Variants in FCRL4 observed in about 807,000 individuals in gnomAD.
FCRL4 encodes Fc receptor-like protein 4.
In FCRL4, 43 loss-of-function variants were observed where a neutral mutation model predicts 64.1. The ratio of observed to expected loss-of-function variants is 0.67; its 90% CI spans 0.53 to 0.87. The LOEUF is 0.87. FCRL4 is among the 40% of genes least tolerant of loss of function. The pLI, the probability that FCRL4 is intolerant of heterozygous loss-of-function variation, is 0.00. For missense variants in FCRL4, 656 were observed against 613.5 expected (o/e 1.07, Z -0.73); for synonymous variants, 253 against 239.8 (o/e 1.05, Z -0.51).
intron 7 of FCRL4, 48 bp downstream of exon 7, chr1:157,581,483 C>A (rs1298766087): frequency 3.3e-6 from 5 of 1,527,464 alleles, no homozygotes; most frequent in South Asian, 1.1e-5. Context: ...ATGCTGAGTT[C>A]AGGGGAAGGA....
intron 10 of FCRL4, among the ~76,000 whole-genome samples, chr1:157,577,499 A>T (rs1411304886): frequency 6.6e-6 from 1 of 152,206 alleles, no homozygotes; most frequent in African/African-American, 2.4e-5. Flanking sequence ...AAACAATGAG[A>T]AAAAAGGACA....
chr1:157,589,511 G>A, intron 2 of FCRL4, 53 bp from the exon 3 acceptor site: 1 of 1,592,418 alleles, frequency 6.3e-7, no homozygotes, highest in East Asian at 2.2e-5. Flanking sequence ...AGTCCCAGCT[G>A]CAGTGGCTTG....
chr1:157,597,672 T>C (rs1467626491), intron 1 of FCRL4, among the ~76,000 whole-genome samples: 2 of 152,206 alleles, frequency 1.3e-5, no homozygotes, highest in African/African-American at 2.4e-5. Flanking sequence ...ATAAGTCCAT[T>C]TGGGGGTAAA....
intron 2 of FCRL4, among the ~76,000 whole-genome samples, chr1:157,589,987 G>A (rs1213656512): frequency 6.6e-6 from 1 of 152,178 alleles, no homozygotes; most frequent in Non-Finnish European, 1.5e-5. Flanking sequence ...AGTAAAAAAG[G>A]AAGTTTTCCC....
At position 157,574,410 on chromosome 1, in the gene FCRL4, G is replaced by A; in HGVS notation, c.*1114C>T. On this transcript the variant is annotated 3_prime_UTR_variant, in exon 12 of 12. Transcript: ENST00000271532. Reference sequence around the variant, plus strand: ...CACTTGGGGCATGGATAATTTGTAGGTGGTATTGTACACTTCCATCAGGAG... The same window carrying A: ...CACTTGGGGCATGGATAATTTGTAGATGGTATTGTACACTTCCATCAGGAG... 3 of 213,152 alleles carry A rather than the reference G, an allele frequency of 1.4e-5. No homozygotes were observed. The East Asian group carries it at 2.1e-4, about 15-fold the overall frequency. The allele number at this position is 213,152 out of a possible 1,614,324, so 13.2% of individuals were successfully genotyped here.
intron 2 of FCRL4, among the ~76,000 whole-genome samples, chr1:157,590,719 T>C (rs1426684421): frequency 2.6e-5 from 4 of 152,002 alleles, no homozygotes; most frequent in African/African-American, 9.7e-5. Flanking sequence ...GGGTTTCATC[T>C]TCTTAGCCAG....
chr1:157,597,239 A>G (rs1326040946), intron 1 of FCRL4, among the ~76,000 whole-genome samples: 1 of 152,196 alleles, frequency 6.6e-6, no homozygotes, highest in Non-Finnish European at 1.5e-5. Flanking sequence ...TCATGTGCCA[A>G]TCACACTAAT....
intron 2 of FCRL4, among the ~76,000 whole-genome samples, chr1:157,589,923 A>G (rs563941132): frequency 5.3e-5 from 8 of 152,314 alleles, no homozygotes; most frequent in Non-Finnish European, 1.2e-4. Flanking sequence ...AAGGCTATTG[A>G]GAATCACCAG....
chr1:157,589,480 G>A (rs1652786688), intron 2 of FCRL4, 22 bp from the exon 3 acceptor site: 2 of 1,609,776 alleles, frequency 1.2e-6, no homozygotes, highest in Non-Finnish European at 1.7e-6. Flanking sequence ...AGAGTAATAG[G>A]TCTGAGGTGG....
intron 10 of FCRL4, 102 bp from the exon 11 acceptor site, chr1:157,575,832 C>G: frequency 5.0e-6 from 5 of 1,007,216 alleles, no homozygotes; most frequent in Non-Finnish European, 7.9e-6. Context: ...TGGGCCCTGT[C>G]CACCTCATCC....
At chr1:157,586,108 C>A (rs1652684342) in intron 6 of FCRL4, 60 bp downstream of exon 6, 1 of 1,494,250 alleles carries the variant, frequency 6.7e-7, no homozygotes, top group South Asian at 1.3e-5. Context: ...TAGCTATCCC[C>A]ACCCTTAATT....
chr1:157,577,486 T>A (rs1275948835), intron 10 of FCRL4, among the ~76,000 whole-genome samples: 5 of 152,180 alleles, frequency 3.3e-5, no homozygotes, highest in Non-Finnish European at 7.4e-5. Flanking sequence ...ATCTTCCCAT[T>A]TTAAACAATG....
At chr1:157,595,444 C>T (rs1444305775) in intron 2 of FCRL4, among the ~76,000 whole-genome samples, 3 of 152,234 alleles carry the variant, frequency 2.0e-5, no homozygotes, top group Admixed American at 6.5e-5. Flanking sequence ...GAGGAAGCTG[C>T]CCCTGCTATG....
intron 6 of FCRL4, among the ~76,000 whole-genome samples, chr1:157,582,751 C>T (rs1652590117): frequency 6.6e-6 from 1 of 152,176 alleles, no homozygotes; most frequent in Non-Finnish European, 1.5e-5. Context: ...TGAGTGGTTC[C>T]ACTAATAAAC....
rs11582663 is a variant in FCRL4 at position 157,589,332 on chromosome 1, C to T, written c.179G>A (p.Arg60Gln). The T allele has an allele frequency of 0.13, 217,331 of 1,614,012 alleles. 16,922 individuals are homozygous for T. The highest frequency in any genetic ancestry group is 0.15 in the Non-Finnish European group (182,259 of 1,179,962). The part of the protein sequence containing the change: ...YATEKTTWYH[R>Q]HYWGEKLTLT... ...GGTCAACTTTTCTCCCCAGTAGTGC[C>T]GATGATACCATGTTGTTTTCTCTGT... Residue 60 changes from arginine to glutamine, a missense_variant, in exon 3 of 12, where the codon CGG becomes CAG. Coordinates refer to ENST00000271532, the MANE Select transcript of FCRL4 (RefSeq NM_031282.3).
At position 157,587,342 on chromosome 1, in the gene FCRL4, A is replaced by G; in HGVS notation, c.781T>C (p.Cys261Arg). The change falls in exon 5 of 12, where the codon TGT becomes CGT. Residue 261 changes from cysteine to arginine, a missense_variant. Transcript: ENST00000271532. The part of the protein sequence containing the change: ...VWRENSGSYW[C>R]GAETVRGNIH... ...TTACCCCTCACTGTTTCAGCACCAC[A>G]CCAATAGGATCCTGAGTTTTCTCTC... 6.2e-7 allele frequency: 1 copy of G among 1,614,198 alleles called. No individual in the cohort carries two copies. The highest frequency in any genetic ancestry group is 8.5e-7 in the Non-Finnish European group (1 of 1,180,026).
chr1:157,578,376 A>G (rs566963699), intron 10 of FCRL4, 98 bp downstream of exon 10: 8 of 1,025,138 alleles, frequency 7.8e-6, no homozygotes, highest in Middle Eastern at 4.3e-4. Context: ...TTGACTTCCC[A>G]TACTTACAAG....
At chr1:157,595,411 G>T (rs1652939385) in intron 2 of FCRL4, among the ~76,000 whole-genome samples, 1 of 152,032 alleles carries the variant, frequency 6.6e-6, no homozygotes, top group Non-Finnish European at 1.5e-5. Context: ...TTTGATGTAT[G>T]CAACTAGACT....
rs1274913718 is a variant in FCRL4, at chr1:157,587,258, T to C, written c.847+18A>G. ...GGCAGAGAGAGGCAGGGAAGATGCC[T>C]GGCTCTCCAACACTCACGCTGCACA... On this transcript the variant is annotated intron_variant, in intron 5 of 11. Transcript: ENST00000271532. 1 of 1,608,494 alleles carries C rather than the reference T, an allele frequency of 6.2e-7. No homozygotes were observed. Among genetic ancestry groups the C allele is most frequent in the East Asian group, 2.2e-5 (1 of 44,760 alleles).
Sources: allele counts gnomAD v4.1 joint callset (sites outside exome capture counted in the v4.1 genomes callset), GRCh38; gene constraint gnomAD v4.1.1; transcripts MANE v1.5; gene names NCBI Gene and HGNC (gene_info 2026-07-23, HGNC 2026-07-21).